ERCC6L2: variants seen among roughly 807,000 people sequenced by gnomAD.
ERCC6L2 encodes ERCC excision repair 6 like 2, also known as DNA excision repair protein ERCC-6-like 2.
A neutral mutation model predicts 132.0 loss-of-function variants in ERCC6L2; 77 were observed. The ratio of observed to expected loss-of-function variants is 0.58; its 90% CI spans 0.49 to 0.71. ERCC6L2 has a LOEUF of 0.71. Ranked by LOEUF, ERCC6L2 falls within the 30% of genes least tolerant of loss-of-function variation. ERCC6L2 has a pLI of 0.00. For missense variants in ERCC6L2, 1,542 were observed against 1,837.6 expected, an observed-to-expected ratio of 0.84 and a Z score of 2.94; for synonymous variants, 583 against 632.4, an observed-to-expected ratio of 0.92 and a Z score of 1.17.
At chr9:96,029,765 A>G (rs775095371) in intron 19 of ERCC6L2, among the ~76,000 whole-genome samples, 6 of 152,194 alleles carry the variant, frequency 3.9e-5, no homozygotes, top group Non-Finnish European at 7.3e-5. Context: ...TTCTGTATTG[A>G]TCATGGGTTT....
Position 95,916,309 on chromosome 9 carries a change from G to A in ERCC6L2, c.1033G>A (p.Ala345Thr), listed in dbSNP as rs749099328. 2.5e-6 allele frequency: 4 copies of A among 1,614,054 alleles called. No homozygotes were observed. Among genetic ancestry groups the A allele is most frequent in the East Asian group, 2.2e-5 (1 of 44,858 alleles). The change falls in exon 6 of 19, where the codon GCA becomes ACA. Residue 345 changes from alanine (A) to threonine (T), a missense_variant. This residue lies in a region of ERCC6L2 where 945 missense variants were observed against 1,105.2 expected (regional missense o/e 0.86). Coordinates refer to ENST00000653738, the MANE Select transcript of ERCC6L2 (RefSeq NM_020207.7). ...DPVEHGQRHT[A>T]TKRELATGRK... The stretch of plus-strand genomic sequence containing the variant: ...AGTAGAACATGGTCAGAGACACACG[G>A]CAACAAAGAGAGAACTAGCCACTGG...
At chr9:95,896,739 T>G (rs1021745861) in intron 2 of ERCC6L2, among the ~76,000 whole-genome samples, 3 of 152,140 alleles carry the variant, frequency 2.0e-5, no homozygotes, top group Non-Finnish European at 2.9e-5. Flanking sequence ...GTTGCTTTTT[T>G]GTAGGTGATC....
At chr9:95,899,394 G>A (rs1203693115) in intron 3 of ERCC6L2, among the ~76,000 whole-genome samples, 5 of 152,024 alleles carry the variant, frequency 3.3e-5, no homozygotes, top group South Asian at 2.1e-4. Flanking sequence ...TGAGGCTGCG[G>A]TGAGCCATGT....
At chr9:95,890,080 C>T (rs750370935) in intron 2 of ERCC6L2, among the ~76,000 whole-genome samples, 8 of 152,156 alleles carry the variant, frequency 5.3e-5, no homozygotes, top group Non-Finnish European at 8.8e-5. Flanking sequence ...CTCCTAACTA[C>T]CTCTTCCCTG....
chr9:95,982,058 G>C (rs1249108946), intron 17 of ERCC6L2, among the ~76,000 whole-genome samples: 1 of 152,124 alleles, frequency 6.6e-6, no homozygotes, highest in Admixed American at 6.6e-5. Context: ...TTAATCCCTT[G>C]AATTGGATGA....
At chr9:95,997,586 G>A (rs1833513864) in intron 17 of ERCC6L2, among the ~76,000 whole-genome samples, 1 of 152,230 alleles carries the variant, frequency 6.6e-6, no homozygotes, top group Non-Finnish European at 1.5e-5. Flanking sequence ...CTACAATATA[G>A]TGTAAGCATA....
At chr9:95,896,400 GTTTTTTGATTTTTT>G (rs371004291) in intron 2 of ERCC6L2, among the ~76,000 whole-genome samples, 3,273 of 139,042 alleles carry the variant, frequency 0.024, 41 homozygotes, top group Middle Eastern at 0.044. Context: ...TTGTTTGTTT[GTTTTTTGATTTTTT>G]TTTTTTGATT....
intron 2 of ERCC6L2, among the ~76,000 whole-genome samples, chr9:95,886,119 G>A (rs753186224): frequency 2.0e-5 from 3 of 152,190 alleles, no homozygotes; most frequent in South Asian, 2.1e-4. Flanking sequence ...GGGCCCAAGC[G>A]ATCTTCCCAC....
In ERCC6L2 at chr9:95,907,238, A is replaced by G; in HGVS notation, c.755A>G (p.Glu252Gly). 11 of 1,613,122 alleles carry G rather than the reference A, an allele frequency of 6.8e-6. No homozygotes were observed. The highest frequency in any genetic ancestry group is 2.2e-5 in the East Asian group (1 of 44,806). Residue 252 changes from glutamate (E) to glycine (G), a missense_variant, in exon 4 of 19, where the codon GAA becomes GGA. Around this residue, in one of 4 missense-constraint regions of ERCC6L2, gnomAD observed 945 missense variants for 1,105.2 expected, o/e 0.86. Coordinates refer to ENST00000653738, the MANE Select transcript of ERCC6L2 (RefSeq NM_020207.7). ...RKCEIALTTY[E>G]TLRLCLDELN... ...TGTGAAATTGCTCTAACAACTTATGAAACACTACGCTTATGCCTGGATGAA... is the reference window on the plus strand; with the variant it reads ...TGTGAAATTGCTCTAACAACTTATGGAACACTACGCTTATGCCTGGATGAA...
intron 17 of ERCC6L2, among the ~76,000 whole-genome samples, chr9:95,995,406 C>T (rs1320195529): frequency 6.6e-6 from 1 of 152,034 alleles, no homozygotes; most frequent in Non-Finnish European, 1.5e-5. Flanking sequence ...CAGTATAAAC[C>T]TAAAACCTAA....
chr9:95,908,884 A>G (rs1829209766), intron 4 of ERCC6L2, among the ~76,000 whole-genome samples: 2 of 152,202 alleles, frequency 1.3e-5, no homozygotes, highest in African/African-American at 4.8e-5. Context: ...ATACTTTCAC[A>G]TCAGCATTAA....
At chr9:95,960,353 G>A (rs781102652) in intron 13 of ERCC6L2, among the ~76,000 whole-genome samples, 11 of 152,090 alleles carry the variant, frequency 7.2e-5, no homozygotes, top group Admixed American at 2.0e-4. Flanking sequence ...TACTGGCCCC[G>A]AAAAATATCA....
Position 95,907,857 on chromosome 9 carries a change from C to CACACACA in ERCC6L2, c.788+586_788+587insACACACA. Among the ~76,000 whole-genome samples, 83 of 133,816 alleles carry CACACACA rather than the reference C, an allele frequency of 6.2e-4. 1 individual carries two copies. Among genetic ancestry groups the CACACACA allele is most frequent in the African/African-American group, 9.8e-4 (35 of 35,752 alleles). 87.8% of individuals were successfully genotyped at this position (133,816 alleles called of 152,430 possible). On this transcript the variant is annotated intron_variant, in intron 4 of 18. Coordinates refer to ENST00000653738, the MANE Select transcript of ERCC6L2 (RefSeq NM_020207.7). ...CACACACACACACACACACACACAC[C>CACACACA]CCCACACCCACACACCCACTGTAGC...
rs376871986 is a variant in ERCC6L2, at chr9:95,918,751, C to G, written c.1158+2317C>G. 1.4e-4 allele frequency: 24 copies of G among 173,984 alleles called. No individual in the cohort carries two copies. The South Asian group carries it at 2.9e-3, about 21-fold the overall frequency. The allele number at this position is 173,984 out of a possible 1,614,324, so 10.8% of individuals were successfully genotyped here. A position where few individuals can be genotyped will look rare whatever the true frequency, so the allele number is the denominator to read the frequency against. On this transcript the variant is annotated intron_variant, in intron 6 of 18. Coordinates refer to ENST00000653738, the MANE Select transcript of ERCC6L2 (RefSeq NM_020207.7). ...GTTAGAGAAATAAGCCATTTGGAAT[C>G]CATTCTCATTGTGTTTTTTAAAAAC... is the stretch of plus-strand genomic sequence containing the variant.
At chr9:95,907,865 C>CA (rs1564212462) in intron 4 of ERCC6L2, among the ~76,000 whole-genome samples, 10 of 35,300 alleles carry the variant, frequency 2.8e-4, no homozygotes, top group Non-Finnish European at 5.3e-4. Flanking sequence ...ACCCCCACAC[C>CA]CACACACCCA....
intron 17 of ERCC6L2, among the ~76,000 whole-genome samples, chr9:95,991,485 T>C (rs1393782306): frequency 6.6e-6 from 1 of 152,180 alleles, no homozygotes; most frequent in Non-Finnish European, 1.5e-5. Context: ...AGAACACCAT[T>C]TGTACTTGAA....
intron 4 of ERCC6L2, among the ~76,000 whole-genome samples, chr9:95,913,383 A>G (rs913377901): frequency 2.0e-5 from 3 of 152,176 alleles, no homozygotes; most frequent in Non-Finnish European, 4.4e-5. Flanking sequence ...TTTTTGGAGT[A>G]AGAAGTTAGC....
intron 17 of ERCC6L2, among the ~76,000 whole-genome samples, chr9:96,003,028 T>TTTA (rs551470236): frequency 1.3e-3 from 205 of 152,294 alleles, no homozygotes; most frequent in Admixed American, 4.2e-3. Flanking sequence ...ATCCTTCCAG[T>TTTA]TTATCAACTG....
At position 95,952,166 on chromosome 9, in the gene ERCC6L2, T is replaced by TAAAAA. The variant is rs57310402; in HGVS notation, c.1848-3733_1848-3729dup. On this transcript the variant is annotated intron_variant, in intron 12 of 18. Transcript: ENST00000653738. ...CTGGCAACAGAGTGAGACTCCATCT[T>TAAAAA]AAAAAAAAAAAAAAAAAAAGAATTT... Among the ~76,000 whole-genome samples the TAAAAA allele has an allele frequency of 4.2e-4, 24 of 57,708 alleles. 2 individuals carry two copies. The highest frequency in any genetic ancestry group is 8.0e-4 in the South Asian group (1 of 1,252). 37.9% of individuals were successfully genotyped at this position (57,708 alleles called of 152,430 possible).
Sources: allele counts gnomAD v4.1 joint callset (sites outside exome capture counted in the v4.1 genomes callset), GRCh38; gene constraint gnomAD v4.1.1; regional missense constraint gnomAD v4.1.1; transcripts MANE v1.5; gene names NCBI Gene and HGNC (gene_info 2026-07-23, HGNC 2026-07-21).